The following SLC12A9 variants were observed in gnomAD, a reference collection of about 807,000 sequenced individuals.
SLC12A9 encodes the protein CCC-interacting protein 1.
SLC12A9 carries 55 observed loss-of-function variants against 66.0 expected under a neutral mutation model. That is an observed-to-expected ratio of 0.83 (90% CI 0.67 to 1.04). The LOEUF is 1.04. Ranked by LOEUF, SLC12A9 falls within the 50% of genes least tolerant of loss-of-function variation. The pLI is 0.00. For synonymous variants in SLC12A9, 577 were observed against 569.0 expected (o/e 1.01, Z -0.20); for missense variants, 1,061 against 1,241.9 (o/e 0.85, Z 2.19).
intron 1 of SLC12A9, among the ~76,000 whole-genome samples, chr7:100,838,656 A>G (rs1304173846): frequency 1.3e-5 from 2 of 152,146 alleles, no homozygotes; most frequent in Non-Finnish European, 2.9e-5. Flanking sequence ...ACCTAGGATT[A>G]CAGGTGTGTA....
chr7:100,862,556 T>G, intron 12 of SLC12A9, 125 bp from the exon 13 acceptor site: 1 of 1,184,226 alleles, frequency 8.4e-7, no homozygotes, highest in Non-Finnish European at 1.2e-6. Flanking sequence ...CTCTGCCCCT[T>G]TTATCCTTTC....
In SLC12A9 at chr7:100,862,795, G is replaced by T. The variant is rs1480239751; in HGVS notation, c.1826G>T (p.Gly609Val). 2.5e-6 allele frequency: 4 copies of T among 1,614,144 alleles called. No homozygotes were observed. In the East Asian group the frequency reaches 8.9e-5, roughly 36 times the overall value. The change falls in exon 13 of 14, where the codon GGG becomes GTG. Residue 609 changes from glycine (G) to valine (V), a missense_variant. By Grantham distance (109) the Gly-to-Val change is moderately radical. Transcript: ENST00000354161. ...DLTLSPSVRQ[G>V]AQHLLRISGL... The stretch of plus-strand genomic sequence containing the variant: ...ACCCTCTCACCCTCCGTGCGCCAGG[G>T]GGCTCAGCATCTGCTGCGAATCTCC...
intron 3 of SLC12A9, chr7:100,855,494 G>A (rs1306913845): frequency 1.4e-5 from 8 of 581,462 alleles, no homozygotes; most frequent in East Asian, 1.3e-4. Flanking sequence ...TGCCCTGCAC[G>A]TTGATGCCAA....
At position 100,857,176 on chromosome 7, in the gene SLC12A9, G is replaced by A. The variant is rs756324052; in HGVS notation, c.757G>A (p.Ala253Thr). ...CAGTACCCTGAAGGACAACTTGGGC[G>A]GTGAGCTGGGTGCTGCCGTGGCAGG... is the stretch of plus-strand genomic sequence containing the variant. ...NSSTLKDNLGAGYAEDYTTGA... is the reference protein window; with the variant it reads ...NSSTLKDNLGTGYAEDYTTGA... The change falls in exon 5 of 14, where the codon GCT becomes ACT. Residue 253 changes from alanine (A) to threonine (T), a missense_variant and splice_region_variant. Coordinates refer to ENST00000354161, the MANE Select transcript of SLC12A9 (RefSeq NM_020246.4). 2.0e-5 allele frequency: 32 copies of A among 1,607,048 alleles called. No homozygotes were observed. The highest frequency in any genetic ancestry group is 2.6e-5 in the Non-Finnish European group (31 of 1,175,020).
Position 100,861,165 on chromosome 7 carries a change from A to C in SLC12A9, c.1246A>C (p.Thr416Pro). 1 of 1,614,168 alleles carries C rather than the reference A, an allele frequency of 6.2e-7. No homozygotes were observed. Among genetic ancestry groups the C allele is most frequent in the Non-Finnish European group, 8.5e-7 (1 of 1,180,016 alleles). ...QLVLLAGKLN[T>P]LAAVVTVFYL... ...GGTGCTCCTGGCTGGGAAGCTGAAC[A>C]CACTGGCTGCTGTGGTCACTGTCTT... The change falls in exon 10 of 14, where the codon ACA becomes CCA. Residue 416 changes from threonine to proline, a missense_variant. Thr to Pro is a conservative substitution (Grantham distance 38, BLOSUM62 -1). Transcript: ENST00000354161. The surrounding 1 kb of genome is among the most constrained non-coding windows in gnomAD (Gnocchi z 5.3).
At position 100,861,610 on chromosome 7, in the gene SLC12A9, G is replaced by C; in HGVS notation, c.1536+26G>C. 2.5e-6 allele frequency: 4 copies of C among 1,609,612 alleles called. No individual in the cohort carries two copies. The highest frequency in any genetic ancestry group is 3.4e-6 in the Non-Finnish European group (4 of 1,177,198). On this transcript the variant is annotated intron_variant, in intron 11 of 13. Transcript: ENST00000354161. This position sits in a 1 kb window ranked among gnomAD's most constrained non-coding sequence, Gnocchi z 5.3. ...GTATGGGGAGCTGGTGGGGCGGTGG[G>C]GAAATGGGAGGTGGTCAAAGAACCC... is the stretch of plus-strand genomic sequence containing the variant.
Position 100,861,504 on chromosome 7 carries a change from G to A in SLC12A9, c.1456G>A (p.Gly486Ser), listed in dbSNP as rs1055092962. The A allele has an allele frequency of 4.6e-5, 75 of 1,613,740 alleles. No homozygotes were observed. Among genetic ancestry groups the A allele is most frequent in the Non-Finnish European group, 6.3e-5 (74 of 1,180,050 alleles). Residue 486 changes from glycine to serine, a missense_variant, in exon 11 of 14, where the codon GGT becomes AGT. By Grantham distance (56) the Gly-to-Ser change is moderately conservative. Transcript: ENST00000354161. This position sits in a 1 kb window ranked among gnomAD's most constrained non-coding sequence, Gnocchi z 5.3. Reference sequence around the variant, plus strand: ...GGCTGGTGGCTCCCTGCTCCTCATGGGTCTGCTGGCTGCCCTGCTCACCGC... The same window carrying A: ...GGCTGGTGGCTCCCTGCTCCTCATGAGTCTGCTGGCTGCCCTGCTCACCGC... ...GAAGGSLLLMGLLAALLTARG... is the reference protein window; with the variant it reads ...GAAGGSLLLMSLLAALLTARG...
chr7:100,829,224 G>A (rs1284682255), intron 1 of SLC12A9, among the ~76,000 whole-genome samples: 1 of 152,148 alleles, frequency 6.6e-6, no homozygotes, highest in Non-Finnish European at 1.5e-5. Context: ...CTGACCTAAA[G>A]TGATCCACCC....
At chr7:100,829,299 T>A (rs1813496188) in intron 1 of SLC12A9, among the ~76,000 whole-genome samples, 1 of 152,062 alleles carries the variant, frequency 6.6e-6, no homozygotes, top group African/African-American at 2.4e-5. Flanking sequence ...GAGGACAGAA[T>A]CTTGAGGAGC....
chr7:100,827,132 G>A (rs1813428518), intron 1 of SLC12A9: 8 of 1,328,006 alleles, frequency 6.0e-6, no homozygotes, highest in Non-Finnish European at 8.2e-6. Flanking sequence ...CTCCGCGCGG[G>A]ACTCCTCGTC....
At chr7:100,856,515 CTT>C (rs759252930) in intron 4 of SLC12A9, 114 of 90,794 alleles carry the variant, frequency 1.3e-3, no homozygotes, top group South Asian at 3.1e-3. Context: ...GCCCCTTCTT[CTT>C]TTTTTTTTTT....
intron 3 of SLC12A9, 45 bp downstream of exon 3, chr7:100,854,799 G>A (rs770176344): frequency 1.2e-6 from 2 of 1,606,814 alleles, no homozygotes; most frequent in Non-Finnish European, 1.7e-6. Context: ...TGTTCTGCCT[G>A]CTAGGGAGGG....
intron 13 of SLC12A9, chr7:100,865,423 C>G (rs779304934): frequency 1.1e-5 from 17 of 1,536,044 alleles, no homozygotes; most frequent in Non-Finnish European, 1.5e-5. Flanking sequence ...TGGACAGCAT[C>G]CTCCTCTCCA....
At chr7:100,833,932 CAA>C (rs60667059) in intron 1 of SLC12A9, among the ~76,000 whole-genome samples, 102 of 63,040 alleles carry the variant, frequency 1.6e-3, no homozygotes, top group African/African-American at 8.7e-3. Context: ...GACTCTGTCT[CAA>C]AAAAAAAAAA....
intron 1 of SLC12A9, among the ~76,000 whole-genome samples, chr7:100,845,525 A>AT (rs1813889592): frequency 6.6e-6 from 1 of 151,730 alleles, no homozygotes; most frequent in Non-Finnish European, 1.5e-5. Context: ...AATTTTTTGT[A>AT]TTTTTAGTAG....
In SLC12A9 at chr7:100,861,960, T is replaced by G; in HGVS notation, c.1711+49T>G. ...ACTCACTCCCATCCTTCTCTCCCCCTACCTTTTTTTTTTTTTTGAGATGGA... is the reference window on the plus strand; with the variant it reads ...ACTCACTCCCATCCTTCTCTCCCCCGACCTTTTTTTTTTTTTTGAGATGGA... On this transcript the variant is annotated intron_variant, in intron 12 of 13. Coordinates refer to ENST00000354161, the MANE Select transcript of SLC12A9 (RefSeq NM_020246.4). The surrounding 1 kb of genome is among the most constrained non-coding windows in gnomAD (Gnocchi z 5.3). 11 of 1,408,442 alleles carry G rather than the reference T, an allele frequency of 7.8e-6. No homozygotes were observed. The highest frequency in any genetic ancestry group is 1.5e-5 in the African/African-American group (1 of 68,306). 87.2% of individuals were successfully genotyped at this position (1,408,442 alleles called of 1,614,324 possible). A position where few individuals can be genotyped will look rare whatever the true frequency, so the allele number is the denominator to read the frequency against.
chr7:100,842,406 C>T (rs772711094), intron 1 of SLC12A9, among the ~76,000 whole-genome samples: 4 of 152,180 alleles, frequency 2.6e-5, no homozygotes, highest in African/African-American at 4.8e-5. Flanking sequence ...CAGAAAAGCA[C>T]TTCTGTCTCT....
At chr7:100,848,377 G>A (rs1236332140), upstream of SLC12A9, among the ~76,000 whole-genome samples, 1 of 151,838 alleles carries the variant, frequency 6.6e-6, no homozygotes, top group East Asian at 1.9e-4. Context: ...GGGTGCATGT[G>A]CCTATAGCTA....
At position 100,861,362 on chromosome 7, in the gene SLC12A9, TTCTGTC is replaced by T; in HGVS notation, c.1344-29_1344-24del. On this transcript the variant is annotated intron_variant, in intron 10 of 13. Coordinates refer to ENST00000354161, the MANE Select transcript of SLC12A9 (RefSeq NM_020246.4). The surrounding 1 kb of genome is among the most constrained non-coding windows in gnomAD (Gnocchi z 5.3). ...GCCTCGTGTGCGGCCTGCCCTGAGT[TTCTGTC>T]CCTCCTCCCCTCCATGCCCGCAGCC... 1 of 1,611,984 alleles carries T rather than the reference TTCTGTC, an allele frequency of 6.2e-7. No homozygotes were observed. The highest frequency in any genetic ancestry group is 8.5e-7 in the Non-Finnish European group (1 of 1,178,524).
Sources: gnomAD v4.1 joint callset for allele counts (sites outside exome capture counted in the v4.1 genomes callset) on GRCh38, gnomAD v4.1.1 for gene constraint, Gnocchi (gnomAD v3.1) non-coding constraint, MANE v1.5 for transcripts, NCBI Gene and HGNC (gene_info 2026-07-23, HGNC 2026-07-21) for gene names.